Variants in LVRN observed in about 807,000 individuals in gnomAD.
The protein encoded by LVRN is laeverin.
In LVRN, 99 loss-of-function variants were observed where a neutral mutation model predicts 111.4. The observed-to-expected ratio is 0.89, with a 90% CI of 0.76 to 1.05. The LOEUF (loss-of-function observed/expected upper bound fraction) is 1.05, where lower values mean the gene tolerates loss of function less well. Ranked by LOEUF, LVRN falls within the 50% of genes least tolerant of loss-of-function variation. The pLI is 0.00. For synonymous variants in LVRN, 488 were observed against 449.5 expected (o/e 1.09, Z -1.08); for missense variants, 1,414 against 1,206.8 (o/e 1.17, Z -2.54).
rs1244484507 is a variant in LVRN, at chr5:116,005,786, C to A, written c.2038-126C>A. 5 of 751,214 alleles carry A rather than the reference C, an allele frequency of 6.7e-6. No individual in the cohort carries two copies. In the South Asian group the frequency reaches 7.1e-5, roughly 11 times the overall value. The allele number at this position is 751,214 out of a possible 1,614,324, so 46.5% of individuals were successfully genotyped here. ...GTCCTCAGTAATTGTTGTTTCTCTG[C>A]AGATGAGATAAGTCACGTGAAGGTG... On this transcript the variant is annotated intron_variant, in intron 12 of 19. Coordinates refer to ENST00000357872, the MANE Select transcript of LVRN (RefSeq NM_173800.5).
chr5:115,992,929 TA>T (rs1332536550), intron 5 of LVRN, among the ~76,000 whole-genome samples: 5 of 152,348 alleles, frequency 3.3e-5, no homozygotes, highest in African/African-American at 1.2e-4. Flanking sequence ...GTTATCTTCG[TA>T]ATGTGGCTCC....
At chr5:115,990,861 C>T (rs1165437213) in intron 4 of LVRN, among the ~76,000 whole-genome samples, 1 of 152,120 alleles carries the variant, frequency 6.6e-6, no homozygotes, top group African/African-American at 2.4e-5. Flanking sequence ...CATAAGCCAC[C>T]ATGCCTGGCT....
Position 115,962,821 on chromosome 5 carries a change from A to G in LVRN, c.204A>G (p.Pro68=), listed in dbSNP as rs12522632. The G allele has an allele frequency of 0.8, 1,289,132 of 1,611,704 alleles. 517,468 individuals carry two copies. Among genetic ancestry groups the G allele is most frequent in the African/African-American group, 0.84 (62,627 of 74,864 alleles). The change falls in exon 1 of 20, where the codon CCA becomes CCG. Residue 68 remains proline, a synonymous_variant. Coordinates refer to ENST00000357872, the MANE Select transcript of LVRN (RefSeq NM_173800.5). The part of the protein sequence containing the change: ...SSPPLRQKPT[P]TPKPSSAREL... ...CTCCCCTCAGGCAGAAGCCGACGCC[A>G]ACCCCGAAACCCAGCAGTGCACGCG...
At chr5:115,990,080 A>G (rs1173897748) in intron 4 of LVRN, among the ~76,000 whole-genome samples, 2 of 152,208 alleles carry the variant, frequency 1.3e-5, no homozygotes, top group Non-Finnish European at 2.9e-5. Flanking sequence ...TCTAAACTTT[A>G]GAATCAAAGA....
At chr5:116,012,830 G>A (rs1236361208) in intron 15 of LVRN, among the ~76,000 whole-genome samples, 3 of 152,146 alleles carry the variant, frequency 2.0e-5, no homozygotes, top group Non-Finnish European at 4.4e-5. Context: ...CAGGGGAAAA[G>A]GTCCCATCTG....
At chr5:115,993,290 G>A (rs1048941203) in intron 5 of LVRN, among the ~76,000 whole-genome samples, 17 of 151,702 alleles carry the variant, frequency 1.1e-4, no homozygotes, top group African/African-American at 1.9e-4. Flanking sequence ...TTTGTACATG[G>A]CACAGATCAA....
chr5:115,988,948 A>C (rs1045738268), intron 4 of LVRN, among the ~76,000 whole-genome samples: 2 of 152,110 alleles, frequency 1.3e-5, no homozygotes, highest in Non-Finnish European at 2.9e-5. Context: ...GTCATCCTTG[A>C]CATCCTGTCC....
At chr5:115,968,708 A>C (rs1263256049) in intron 1 of LVRN, among the ~76,000 whole-genome samples, 1 of 152,210 alleles carries the variant, frequency 6.6e-6, no homozygotes, top group Non-Finnish European at 1.5e-5. Flanking sequence ...GGAGAAAGCC[A>C]GAGTCTTTAC....
intron 18 of LVRN, chr5:116,022,109 A>T (rs753835777): frequency 1.6e-4 from 46 of 282,880 alleles, no homozygotes; most frequent in Admixed American, 4.0e-4. Context: ...GACTTGTGAC[A>T]TGTATTCCAA....
At chr5:116,012,201 G>A (rs541866303) in intron 14 of LVRN, among the ~76,000 whole-genome samples, 173 bp from the exon 15 acceptor site, 3 of 152,094 alleles carry the variant, frequency 2.0e-5, no homozygotes, top group Admixed American at 6.5e-5. Flanking sequence ...GAACTAAACC[G>A]AAAGAGGTTA....
chr5:115,988,824 G>A (rs529003750), intron 4 of LVRN, among the ~76,000 whole-genome samples: 1 of 152,258 alleles, frequency 6.6e-6, no homozygotes, highest in African/African-American at 2.4e-5. Flanking sequence ...GAGGCAGCAG[G>A]AGCTCAGGCA....
intron 1 of LVRN, among the ~76,000 whole-genome samples, chr5:115,980,204 G>A (rs1412268091): frequency 6.6e-6 from 1 of 152,010 alleles, no homozygotes; most frequent in African/African-American, 2.4e-5. Context: ...GGTGGTGGAT[G>A]GTTCTATTTT....
At chr5:115,984,803 C>A in intron 3 of LVRN, 94 bp downstream of exon 3, 2 of 1,497,296 alleles carry the variant, frequency 1.3e-6, no homozygotes, top group Admixed American at 2.0e-5. Flanking sequence ...GCTGCATATC[C>A]CCAAATCGCT....
rs369197606 is a variant in LVRN at position 115,992,263 on chromosome 5, G to A, written c.1246G>A (p.Glu416Lys). 1.1e-4 allele frequency: 171 copies of A among 1,613,578 alleles called. No individual in the cohort carries two copies. Among genetic ancestry groups the A allele is most frequent in the Non-Finnish European group, 1.4e-4 (162 of 1,179,858 alleles). Residue 416 changes from glutamate to lysine, a missense_variant, in exon 5 of 20, where the codon GAG becomes AAG. By Grantham distance (56) the Glu-to-Lys change is moderately conservative (BLOSUM62 1). Transcript: ENST00000357872. Reference protein sequence around the residue: ...KTLISYVVSHEIGHQWFGNLV... With the variant: ...KTLISYVVSHKIGHQWFGNLV... The stretch of plus-strand genomic sequence containing the variant: ...TCTGATCTCCTATGTTGTCTCCCAC[G>A]AGATTGGACACCAGGCATGTGGTAA...
rs764060120 is a variant in LVRN, at chr5:115,992,184, T to G, written c.1167T>G (p.Phe389Leu). Residue 389 changes from phenylalanine to leucine, a missense_variant, in exon 5 of 20, where the codon TTT becomes TTG. Coordinates refer to ENST00000357872, the MANE Select transcript of LVRN (RefSeq NM_173800.5). ...TGGAAAACTGGGGACTAATGATATTTGATGAATCAGGATTGTTGTTGGAAC... is the reference window on the plus strand; with the variant it reads ...TGGAAAACTGGGGACTAATGATATTGGATGAATCAGGATTGTTGTTGGAAC... ...HAMENWGLMI[F>L]DESGLLLEPK... 2 of 1,613,990 alleles carry G rather than the reference T, an allele frequency of 1.2e-6. No individual in the cohort carries two copies. The highest frequency in any genetic ancestry group is 3.3e-5 in the Admixed American group (2 of 60,008).
intron 1 of LVRN, among the ~76,000 whole-genome samples, chr5:115,965,577 A>G (rs1374854489): frequency 6.6e-6 from 1 of 152,288 alleles, no homozygotes; most frequent in East Asian, 1.9e-4. Flanking sequence ...TTGGCACCTC[A>G]TATGGTTTTG....
chr5:115,980,376 C>T (rs373133098), intron 1 of LVRN, among the ~76,000 whole-genome samples: 47 of 151,772 alleles, frequency 3.1e-4, no homozygotes, highest in African/African-American at 1.0e-3. Context: ...GGCTGTGTGT[C>T]GTAGGGATTT....
intron 12 of LVRN, among the ~76,000 whole-genome samples, chr5:116,004,643 T>C (rs1748317307): frequency 1.3e-5 from 2 of 152,154 alleles, no homozygotes; most frequent in Non-Finnish European, 2.9e-5. Flanking sequence ...AAAAACTCCC[T>C]TCAGTATTCC....
At chr5:115,997,442 T>C (rs1748139582) in intron 6 of LVRN, among the ~76,000 whole-genome samples, 1 of 152,168 alleles carries the variant, frequency 6.6e-6, no homozygotes, top group South Asian at 2.1e-4. Context: ...GGTGGGAGAA[T>C]CTCTTAAGCT....
Sources: allele counts gnomAD v4.1 joint callset (sites outside exome capture counted in the v4.1 genomes callset), GRCh38; gene constraint gnomAD v4.1.1; transcripts MANE v1.5; gene names NCBI Gene and HGNC (gene_info 2026-07-23, HGNC 2026-07-21).